NUMA1: variants seen among roughly 807,000 people sequenced by gnomAD.
NUMA1 encodes nuclear mitotic apparatus protein 1, also known as SP-H antigen.
NUMA1 carries 62 observed loss-of-function variants against 237.1 expected under a neutral mutation model. The ratio of observed to expected loss-of-function variants is 0.26; its 90% confidence interval spans 0.21 to 0.32. The LOEUF is 0.32. Ranked by LOEUF, NUMA1 falls within the 10% of genes least tolerant of loss-of-function variation. The probability of loss-of-function intolerance (pLI) is 1.00; values close to 1 mark genes in which losing one functional copy is unlikely to be tolerated. For synonymous variants in NUMA1, 1,028 were observed against 1,066.1 expected (o/e 0.96, Z 0.70); for missense variants, 2,533 against 2,666.5 (o/e 0.95, Z 1.10).
chr11:72,027,779 C>T (rs1939771238), intron 4 of NUMA1, among the ~76,000 whole-genome samples: 1 of 152,160 alleles, frequency 6.6e-6, no homozygotes, highest in African/African-American at 2.4e-5. Context: ...TAGGAATGAA[C>T]TGCAATAAGG....
intron 13 of NUMA1, chr11:72,016,902 C>G (rs1937871665): frequency 4.9e-6 from 1 of 204,732 alleles, no homozygotes; most frequent in Admixed American, 5.5e-5. Context: ...CTGCAGCAAC[C>G]CCCAGTCCCA....
intron 2 of NUMA1, among the ~76,000 whole-genome samples, chr11:72,038,505 C>T (rs1941299385): frequency 6.6e-6 from 1 of 152,100 alleles, no homozygotes. Context: ...TTCAGGAGAG[C>T]CCCAGCCATT....
At chr11:72,077,506 C>CT (rs1356415925) in intron 1 of NUMA1, among the ~76,000 whole-genome samples, 1 of 152,124 alleles carries the variant, frequency 6.6e-6, no homozygotes, top group East Asian at 1.9e-4. Context: ...TAGTACCCAG[C>CT]TAAACTACCA....
rs374868578 is a variant in NUMA1 at position 72,077,486 on chromosome 11, A to C, written c.-103+2972T>G. On this transcript the variant is annotated intron_variant, in intron 1 of 26. Coordinates refer to ENST00000393695, the MANE Select transcript of NUMA1 (RefSeq NM_006185.4). ...ACTTTCAAAGTGCTAAGAGACAATA[A>C]TTGGAAGCCTAGTACCCAGCTAAAC... Among the ~76,000 whole-genome samples the C allele has an allele frequency of 9.2e-5, 14 of 152,280 alleles. No individual in the cohort carries two copies. In the South Asian group the frequency reaches 2.9e-3, roughly 32 times the overall value.
At position 72,002,906 on chromosome 11, in the gene NUMA1, A is replaced by G. The variant is rs903934857; in HGVS notation, c.*621T>C. 3.0e-5 allele frequency: 7 copies of G among 229,876 alleles called. No homozygotes were observed. The highest frequency in any genetic ancestry group is 5.2e-5 in the Non-Finnish European group (6 of 115,790). 14.2% of individuals were successfully genotyped at this position (229,876 alleles called of 1,614,324 possible). A position where few individuals can be genotyped will look rare whatever the true frequency, so the allele number is the denominator to read the frequency against. ...ACTTTATTTACAAGTAATAACATTTAGAAAAGATCCATCCCCGGCCCTTAA... is the reference window on the plus strand; with the variant it reads ...ACTTTATTTACAAGTAATAACATTTGGAAAAGATCCATCCCCGGCCCTTAA... On this transcript the variant is annotated 3_prime_UTR_variant, in exon 27 of 27. Transcript: ENST00000393695.
intron 2 of NUMA1, among the ~76,000 whole-genome samples, chr11:72,038,693 T>C (rs1039599706): frequency 6.6e-6 from 1 of 151,766 alleles, no homozygotes; most frequent in Non-Finnish European, 1.5e-5. Flanking sequence ...TGGGTGATGC[T>C]GATGGAAAAA....
intron 2 of NUMA1, among the ~76,000 whole-genome samples, chr11:72,057,616 C>T (rs956122449): frequency 2.6e-5 from 4 of 151,316 alleles, no homozygotes; most frequent in Admixed American, 1.3e-4. Context: ...TGGTGGCAGG[C>T]GCCTGTATTC....
Position 72,004,311 on chromosome 11 carries a change from G to A in NUMA1, c.6037C>T (p.Pro2013Ser). ...TCATGTCGGTCTCGGGGAGTCATGG[G>A]GCGTGGGAAACAGCTGGTGGCCTTC... Reference protein sequence around the residue: ...SKKATSCFPRPMTPRDRHEGR... With the variant: ...SKKATSCFPRSMTPRDRHEGR... Residue 2013 changes from proline (P) to serine (S), a missense_variant, in exon 25 of 27, where the codon CCC becomes TCC. Pro to Ser is a moderately conservative substitution (Grantham distance 74). Around this residue, in one of 3 missense-constraint regions of NUMA1, gnomAD observed 795 missense variants for 750.8 expected, o/e 1.06. Coordinates refer to ENST00000393695, the MANE Select transcript of NUMA1 (RefSeq NM_006185.4). 6.2e-7 allele frequency: 1 copy of A among 1,613,294 alleles called. No homozygotes were observed. Among genetic ancestry groups the A allele is most frequent in the Non-Finnish European group, 8.5e-7 (1 of 1,179,830 alleles).
At position 72,014,071 on chromosome 11, in the gene NUMA1, G is replaced by C; in HGVS notation, c.3432C>G (p.Asp1144Glu). ...QQCQKQQEQA[D>E]SLERSLEAER... The stretch of plus-strand genomic sequence containing the variant: ...CAGCCTCGAGGCTGCGTTCCAGGCT[G>C]TCAGCCTGCTCCTGCTGCTTCTGGC... The change falls in exon 15 of 27, where the codon GAC becomes GAG. Residue 1144 changes from aspartate (D) to glutamate (E), a missense_variant. Asp to Glu is a conservative substitution (Grantham distance 45, BLOSUM62 2). Coordinates refer to ENST00000393695, the MANE Select transcript of NUMA1 (RefSeq NM_006185.4). The surrounding 1 kb of genome is among the most constrained non-coding windows in gnomAD (Gnocchi z 4.6). 6.2e-7 allele frequency: 1 copy of C among 1,610,802 alleles called. No individual in the cohort carries two copies. The highest frequency in any genetic ancestry group is 1.7e-5 in the Admixed American group (1 of 60,022).
chr11:72,018,171 C>T lies in NUMA1; in HGVS notation c.978+12G>A. The T allele has an allele frequency of 6.3e-7, 1 of 1,598,514 alleles. No individual in the cohort carries two copies. The highest frequency in any genetic ancestry group is 8.6e-7 in the Non-Finnish European group (1 of 1,165,686). ...TGAGGGGCCTCCATGCACACACCAC[C>T]TTAACACCCACCTTAAAGGAAAGGT... On this transcript the variant is annotated intron_variant, in intron 12 of 26. Coordinates refer to ENST00000393695, the MANE Select transcript of NUMA1 (RefSeq NM_006185.4).
At chr11:72,021,575 T>C (rs1344053917) in intron 7 of NUMA1, among the ~76,000 whole-genome samples, 3 of 152,212 alleles carry the variant, frequency 2.0e-5, no homozygotes, top group Non-Finnish European at 4.4e-5. Flanking sequence ...GAAGTGACTG[T>C]TAAGGAAAGT....
In NUMA1 at chr11:72,061,871, ACCAAAGCAAACT is replaced by A. The variant is rs763437556; in HGVS notation, c.-33+7959_-33+7970del. ...TACCCACACACCACAATAATACAAA[ACCAAAGCAAACT>A]CCACTATGTCTGCTGCTAAACACCC... On this transcript the variant is annotated intron_variant, in intron 2 of 26. Coordinates refer to ENST00000393695, the MANE Select transcript of NUMA1 (RefSeq NM_006185.4). Among the ~76,000 whole-genome samples the A allele has an allele frequency of 1.4e-4, 22 of 152,014 alleles. No homozygotes were observed. In the South Asian group the frequency reaches 4.2e-3, roughly 29 times the overall value.
In NUMA1 at chr11:72,024,661, A is replaced by T. The variant is rs1939330896; in HGVS notation, c.129-308T>A. The T allele has an allele frequency of 8.0e-6, 3 of 375,120 alleles. No homozygotes were observed. In the Admixed American group the frequency reaches 1.2e-4, roughly 15 times the overall value. The allele number at this position is 375,120 out of a possible 1,614,324, so 23.2% of individuals were successfully genotyped here. ...CCGAGAGGAGACGGAGGCAGCACAGATGAACGGGAAGCTATATTACACCAT... is the reference window on the plus strand; with the variant it reads ...CCGAGAGGAGACGGAGGCAGCACAGTTGAACGGGAAGCTATATTACACCAT... On this transcript the variant is annotated intron_variant, in intron 4 of 26. Coordinates refer to ENST00000393695, the MANE Select transcript of NUMA1 (RefSeq NM_006185.4).
chr11:72,004,246 T>G lies in NUMA1; in HGVS notation c.6102A>C (p.Ala2034=). ...KQSTTEAQKK[A]APASTKQADR... ...TCACCTGTTTAGTAGAAGCTGGAGCTGCTTTCTTCTGGGCCTCAGTAGTGC... is the reference window on the plus strand; with the variant it reads ...TCACCTGTTTAGTAGAAGCTGGAGCGGCTTTCTTCTGGGCCTCAGTAGTGC... Residue 2034 remains alanine, a synonymous_variant, in exon 25 of 27, where the codon GCA becomes GCC. Transcript: ENST00000393695. 6.2e-7 allele frequency: 1 copy of G among 1,611,718 alleles called. No homozygotes were observed. Among genetic ancestry groups the G allele is most frequent in the Non-Finnish European group, 8.5e-7 (1 of 1,179,424 alleles).
intron 2 of NUMA1, among the ~76,000 whole-genome samples, chr11:72,044,241 T>G (rs559248144): frequency 2.6e-4 from 40 of 152,294 alleles, no homozygotes; most frequent in African/African-American, 9.6e-4. Context: ...TCCCTATTTG[T>G]AAAACAAGAA....
Position 72,009,169 on chromosome 11 carries a change from G to T in NUMA1, c.4856C>A (p.Thr1619Lys), listed in dbSNP as rs1288779891. The change falls in exon 19 of 27, where the codon ACA becomes AAA. Residue 1619 changes from threonine to lysine, a missense_variant. Coordinates refer to ENST00000393695, the MANE Select transcript of NUMA1 (RefSeq NM_006185.4). ...HYKLQMEKAK[T>K]HYDAKKQQNQ... Reference sequence around the variant, plus strand: ...CTGCTGCTTCTTGGCATCATAATGTGTTTTGGCTTTCTCCATCTGTGGGCA... The same window carrying T: ...CTGCTGCTTCTTGGCATCATAATGTTTTTTGGCTTTCTCCATCTGTGGGCA... 37 of 1,526,812 alleles carry T rather than the reference G, an allele frequency of 2.4e-5. No homozygotes were observed. The highest frequency in any genetic ancestry group is 3.3e-5 in the Non-Finnish European group (37 of 1,136,060). The allele number at this position is 1,526,812 out of a possible 1,614,324, so 94.6% of individuals were successfully genotyped here.
At chr11:72,020,840 C>A (rs1938688711) in intron 8 of NUMA1, 2 of 170,830 alleles carry the variant, frequency 1.2e-5, no homozygotes, top group South Asian at 2.8e-4. Flanking sequence ...CCACTACACT[C>A]CAGCCTGGGC....
intron 16 of NUMA1, 98 bp downstream of exon 16, chr11:72,012,303 A>C: frequency 8.5e-7 from 1 of 1,173,516 alleles, no homozygotes; most frequent in South Asian, 1.3e-5. Flanking sequence ...CAAACAGTTC[A>C]CAACAGGAGC....
chr11:72,038,106 C>A (rs928539246), intron 2 of NUMA1, among the ~76,000 whole-genome samples: 1 of 152,228 alleles, frequency 6.6e-6, no homozygotes, highest in Non-Finnish European at 1.5e-5. Flanking sequence ...TCACCGCTCC[C>A]CCATCCTCAC....
Sources: allele counts gnomAD v4.1 joint callset (sites outside exome capture counted in the v4.1 genomes callset), GRCh38; gene constraint gnomAD v4.1.1; regional missense constraint gnomAD v4.1.1; non-coding constraint Gnocchi (gnomAD v3.1); transcripts MANE v1.5; gene names NCBI Gene and HGNC (gene_info 2026-07-23, HGNC 2026-07-21).